The following PDZRN4 variants were observed in gnomAD, a reference collection of about 807,000 sequenced individuals.
PDZRN4 encodes the protein PDZ domain-containing RING finger protein 4.
PDZRN4 carries 70 observed loss-of-function variants against 99.0 expected under a neutral mutation model. The observed-to-expected ratio is 0.71, with a 90% CI of 0.58 to 0.86. The LOEUF (loss-of-function observed/expected upper bound fraction) is 0.86. Among genes scored for constraint, PDZRN4 ranks in the 40% least tolerant of loss-of-function variants. The pLI, the probability that PDZRN4 is intolerant of heterozygous loss-of-function variation, is 0.00. For synonymous variants in PDZRN4, 551 were observed against 501.6 expected, an observed-to-expected ratio of 1.10 and a Z score of -1.32; for missense variants, 1,474 against 1,331.2, an observed-to-expected ratio of 1.11 and a Z score of -1.67.
chr12:41,407,287 T>C (rs1952357097), intron 3 of PDZRN4, among the ~76,000 whole-genome samples: 1 of 152,180 alleles, frequency 6.6e-6, no homozygotes, highest in Non-Finnish European at 1.5e-5. Flanking sequence ...CCTTTCTTTA[T>C]AAGAAGGCTT....
intron 3 of PDZRN4, among the ~76,000 whole-genome samples, chr12:41,324,543 C>T (rs528573204): frequency 3.3e-5 from 5 of 152,080 alleles, no homozygotes; most frequent in Non-Finnish European, 7.4e-5. Flanking sequence ...TTCGTTTACA[C>T]ACAGATCTCT....
At chr12:41,295,210 T>C (rs1951483891) in intron 3 of PDZRN4, among the ~76,000 whole-genome samples, 1 of 152,066 alleles carries the variant, frequency 6.6e-6, no homozygotes, top group Non-Finnish European at 1.5e-5. Context: ...TGTGAAGAAG[T>C]CACCTGAAGG....
At chr12:41,466,000 T>A (rs1952921340) in intron 3 of PDZRN4, among the ~76,000 whole-genome samples, 1 of 152,238 alleles carries the variant, frequency 6.6e-6, no homozygotes, top group Non-Finnish European at 1.5e-5. Context: ...TTATTAAGTA[T>A]CTGATAATAC....
intron 3 of PDZRN4, among the ~76,000 whole-genome samples, chr12:41,327,133 T>A (rs1002881126): frequency 7.2e-5 from 11 of 152,182 alleles, no homozygotes; most frequent in Admixed American, 3.3e-4. Context: ...GAGTACATAT[T>A]CTCCATTTTG....
chr12:41,277,717 GC>G lies in PDZRN4; in HGVS notation c.843+83530del, dbSNP rs547786716. Among the ~76,000 whole-genome samples the G allele has an allele frequency of 2.6e-3, 391 of 152,306 alleles. 2 individuals carry two copies. The highest frequency in any genetic ancestry group is 9.0e-3 in the African/African-American group (375 of 41,572). The stretch of plus-strand genomic sequence containing the variant: ...CCAACTGAAATAAGGTTGGTGAACA[GC>G]TCTTGTTGCAACGATTGAAGAGACT... On this transcript the variant is annotated intron_variant, in intron 3 of 9. Transcript: ENST00000402685.
chr12:41,567,129 A>C (rs1385761090), intron 8 of PDZRN4, among the ~76,000 whole-genome samples: 4 of 152,200 alleles, frequency 2.6e-5, no homozygotes, highest in African/African-American at 9.6e-5. Flanking sequence ...GCATCCACTG[A>C]GGTGTTTTTC....
At chr12:41,333,655 A>C (rs1038661173) in intron 3 of PDZRN4, among the ~76,000 whole-genome samples, 1 of 152,092 alleles carries the variant, frequency 6.6e-6, no homozygotes, top group Admixed American at 6.6e-5. Context: ...AATTTGACAA[A>C]ACAAAAACAC....
At chr12:41,477,192 T>C (rs1937611908) in intron 3 of PDZRN4, among the ~76,000 whole-genome samples, 1 of 152,202 alleles carries the variant, frequency 6.6e-6, no homozygotes, top group South Asian at 2.1e-4. Flanking sequence ...GATTGTTTAA[T>C]TGCAGATTAA....
chr12:41,313,439 G>T (rs1185964165), intron 3 of PDZRN4, among the ~76,000 whole-genome samples: 1 of 152,160 alleles, frequency 6.6e-6, no homozygotes, highest in Non-Finnish European at 1.5e-5. Context: ...GGCAAACCCA[G>T]CTTATCTCCA....
At chr12:41,346,510 A>G (rs574340969) in intron 3 of PDZRN4, among the ~76,000 whole-genome samples, 3 of 152,074 alleles carry the variant, frequency 2.0e-5, no homozygotes, top group African/African-American at 7.2e-5. Flanking sequence ...TTAAATTAAA[A>G]TTGATTATGT....
chr12:41,492,008 C>A (rs1358404592), intron 3 of PDZRN4, among the ~76,000 whole-genome samples: 1 of 152,020 alleles, frequency 6.6e-6, no homozygotes, highest in African/African-American at 2.4e-5. Flanking sequence ...CCACATAACC[C>A]CCAGAAAAAT....
chr12:41,208,660 T>A (rs1950866608), intron 3 of PDZRN4, among the ~76,000 whole-genome samples: 1 of 151,890 alleles, frequency 6.6e-6, no homozygotes, highest in African/African-American at 2.4e-5. Context: ...ATTTTTTTTG[T>A]TTAATAAAAG....
At chr12:41,354,804 A>G (rs2121046643) in intron 3 of PDZRN4, among the ~76,000 whole-genome samples, 1 of 152,212 alleles carries the variant, frequency 6.6e-6, no homozygotes, top group South Asian at 2.1e-4. Context: ...TGGCTCATAC[A>G]GGACACTCCT....
intron 3 of PDZRN4, among the ~76,000 whole-genome samples, chr12:41,467,478 T>A (rs779797411): frequency 6.6e-6 from 1 of 152,190 alleles, no homozygotes; most frequent in Non-Finnish European, 1.5e-5. Flanking sequence ...CCTATCCTAC[T>A]CAATAGAAAA....
At chr12:41,327,536 T>C (rs1460814862) in intron 3 of PDZRN4, among the ~76,000 whole-genome samples, 1 of 152,160 alleles carries the variant, frequency 6.6e-6, no homozygotes, top group East Asian at 1.9e-4. Flanking sequence ...GCCTGTTCAA[T>C]TTGAATAAAA....
chr12:41,519,119 C>T (rs561352850), intron 5 of PDZRN4, among the ~76,000 whole-genome samples: 1 of 151,768 alleles, frequency 6.6e-6, no homozygotes, highest in Non-Finnish European at 1.5e-5. Flanking sequence ...TGAAAAAAAA[C>T]AGATAAGTTT....
intron 3 of PDZRN4, among the ~76,000 whole-genome samples, chr12:41,237,122 G>A (rs1290282778): frequency 6.6e-6 from 1 of 151,980 alleles, no homozygotes; most frequent in South Asian, 2.1e-4. Context: ...ACATAATTAG[G>A]TGATATTAAC....
intron 5 of PDZRN4, among the ~76,000 whole-genome samples, chr12:41,515,664 C>A (rs1938389246): frequency 6.6e-6 from 1 of 151,992 alleles, no homozygotes. Context: ...GATCATATAT[C>A]GGAGCTAGTA....
At chr12:41,525,262 T>C (rs960467986) in intron 5 of PDZRN4, among the ~76,000 whole-genome samples, 12 of 152,140 alleles carry the variant, frequency 7.9e-5, no homozygotes, top group African/African-American at 2.9e-4. Context: ...ACCAACAAAC[T>C]AGAGGTCTAA....
Sources: allele counts gnomAD v4.1 joint callset (sites outside exome capture counted in the v4.1 genomes callset), GRCh38; gene constraint gnomAD v4.1.1; transcripts MANE v1.5; gene names NCBI Gene and HGNC (gene_info 2026-07-23, HGNC 2026-07-21).